ARHGAP24: variants seen among roughly 807,000 people sequenced by gnomAD.
ARHGAP24 encodes rho GTPase-activating protein 24.
ARHGAP24 carries 50 observed loss-of-function variants against 76.4 expected under a neutral mutation model. That is an observed-to-expected ratio of 0.65 (90% CI 0.52 to 0.83). The LOEUF (loss-of-function observed/expected upper bound fraction) is 0.83. Among genes scored for constraint, ARHGAP24 ranks in the 40% least tolerant of loss-of-function variants. The pLI is 0.00. For missense variants in ARHGAP24, 930 were observed against 914.2 expected (o/e 1.02, Z -0.22); for synonymous variants, 345 against 323.3 (o/e 1.07, Z -0.72).
At chr4:85,726,657 C>A (rs1331970170) in intron 3 of ARHGAP24, among the ~76,000 whole-genome samples, 3 of 152,190 alleles carry the variant, frequency 2.0e-5, no homozygotes, top group Non-Finnish European at 4.4e-5. Flanking sequence ...AACCAATATA[C>A]CAGTCTTTGG....
At chr4:85,849,476 A>C (rs1437599105) in intron 3 of ARHGAP24, among the ~76,000 whole-genome samples, 3 of 152,218 alleles carry the variant, frequency 2.0e-5, no homozygotes, top group Non-Finnish European at 4.4e-5. Context: ...CAGAACTTCC[A>C]ACACTATTTT....
chr4:85,511,916 ACT>A (rs1389839022), intron 1 of ARHGAP24, among the ~76,000 whole-genome samples: 1 of 151,876 alleles, frequency 6.6e-6, no homozygotes, highest in African/African-American at 2.4e-5. Flanking sequence ...CAGCTGCATA[ACT>A]CTAATCTCTG....
At chr4:85,854,325 C>T (rs1048586785) in intron 3 of ARHGAP24, among the ~76,000 whole-genome samples, 5 of 151,964 alleles carry the variant, frequency 3.3e-5, no homozygotes, top group African/African-American at 1.2e-4. Flanking sequence ...GAACTGAAGA[C>T]TTATAGACAA....
At chr4:85,704,743 A>G (rs17010632) in intron 2 of ARHGAP24, among the ~76,000 whole-genome samples, 47,334 of 151,962 alleles carry the variant, frequency 0.31, 8,394 homozygotes, top group African/African-American at 0.47. Context: ...TCTACATTTC[A>G]TTTTTGTTAA....
chr4:85,560,782 G>A (rs986577673), intron 1 of ARHGAP24, among the ~76,000 whole-genome samples: 1 of 152,230 alleles, frequency 6.6e-6, no homozygotes, highest in African/African-American at 2.4e-5. Flanking sequence ...AATCCACTTG[G>A]TTCAATCATT....
intron 3 of ARHGAP24, among the ~76,000 whole-genome samples, chr4:85,755,967 TG>T (rs1038859865): frequency 5.9e-5 from 9 of 152,126 alleles, no homozygotes; most frequent in African/African-American, 2.2e-4. Context: ...CAATTGTGAT[TG>T]GTAACATCAG....
chr4:85,894,099 T>TTAAAAA (rs71936795), intron 3 of ARHGAP24, among the ~76,000 whole-genome samples: 1 of 131,352 alleles, frequency 7.6e-6, no homozygotes, highest in African/African-American at 2.8e-5. Context: ...TAGAGTATAA[T>TTAAAAA]AAAAAAAAAA....
chr4:85,608,817 C>A (rs942636190), intron 2 of ARHGAP24, among the ~76,000 whole-genome samples: 2 of 152,096 alleles, frequency 1.3e-5, no homozygotes, highest in African/African-American at 4.8e-5. Flanking sequence ...GCCTCAGCCT[C>A]CCAAAGTGTT....
intron 1 of ARHGAP24, among the ~76,000 whole-genome samples, chr4:85,507,735 C>T (rs920870755): frequency 6.6e-6 from 1 of 152,090 alleles, no homozygotes; most frequent in Admixed American, 6.5e-5. Flanking sequence ...ATATAAGGGC[C>T]TATGTAAATC....
chr4:85,667,919 G>A (rs540535979), intron 2 of ARHGAP24, among the ~76,000 whole-genome samples: 30 of 152,296 alleles, frequency 2.0e-4, no homozygotes, highest in Admixed American at 9.8e-4. Flanking sequence ...TAAATTGAGC[G>A]TAGGGTCTGG....
rs367722855 is a variant in ARHGAP24 at position 85,642,200 on chromosome 4, C to T, written c.180+71479C>T. ...AGAAAAAGAGCAGGTTAAAGGTGGA[C>T]GGGAGAAGTTTAGAAAGAGACAGAT... On this transcript the variant is annotated intron_variant, in intron 2 of 9. Coordinates refer to ENST00000395184, the MANE Select transcript of ARHGAP24 (RefSeq NM_001025616.3). Among the ~76,000 whole-genome samples, 11 of 151,972 alleles carry T rather than the reference C, an allele frequency of 7.2e-5. No individual in the cohort carries two copies. In the East Asian group the frequency reaches 9.7e-4, roughly 13 times the overall value.
intron 2 of ARHGAP24, among the ~76,000 whole-genome samples, chr4:85,612,733 TAAAG>T (rs1477349518): frequency 6.7e-6 from 1 of 149,962 alleles, no homozygotes; most frequent in African/African-American, 2.4e-5. Flanking sequence ...AGTATTTTTG[TAAAG>T]AAAGAAAATG....
chr4:85,730,519 G>C lies in ARHGAP24; in HGVS notation c.268+8547G>C, dbSNP rs539063949. ...CCTCTTGGGCTCAAGTGATCCTCCT[G>C]CCTCAGCCTCCCGAGTAGTAGCTGG... On this transcript the variant is annotated intron_variant, in intron 3 of 9. Coordinates refer to ENST00000395184, the MANE Select transcript of ARHGAP24 (RefSeq NM_001025616.3). Among the ~76,000 whole-genome samples the C allele has an allele frequency of 1.0e-3, 159 of 152,236 alleles. 1 individual carries two copies. The highest frequency in any genetic ancestry group is 3.8e-3 in the African/African-American group (156 of 41,540).
At chr4:85,708,870 A>G (rs750512787) in intron 2 of ARHGAP24, among the ~76,000 whole-genome samples, 4 of 152,214 alleles carry the variant, frequency 2.6e-5, no homozygotes, top group Non-Finnish European at 5.9e-5. Flanking sequence ...GATCTTTTCT[A>G]TAGAGTCCTA....
chr4:85,817,689 G>T (rs920469589), intron 3 of ARHGAP24, among the ~76,000 whole-genome samples: 1 of 152,156 alleles, frequency 6.6e-6, no homozygotes, highest in African/African-American at 2.4e-5. Context: ...GTACAGTGAA[G>T]GTAATCCTTT....
At chr4:85,830,242 G>A (rs957139062) in intron 3 of ARHGAP24, among the ~76,000 whole-genome samples, 12 of 152,186 alleles carry the variant, frequency 7.9e-5, no homozygotes, top group African/African-American at 2.9e-4. Context: ...CAAGGAAGCA[G>A]TTTTGATGTA....
chr4:85,853,451 C>T (rs1387632693), intron 3 of ARHGAP24, among the ~76,000 whole-genome samples: 2 of 152,172 alleles, frequency 1.3e-5, no homozygotes, highest in African/African-American at 4.8e-5. Flanking sequence ...TGATGCCCCG[C>T]CCTGCTTCGG....
At chr4:85,562,754 G>A (rs1365132630) in intron 1 of ARHGAP24, among the ~76,000 whole-genome samples, 3 of 152,194 alleles carry the variant, frequency 2.0e-5, no homozygotes, top group African/African-American at 7.2e-5. Context: ...CCAGACCTGA[G>A]ATGCAGAATA....
intron 1 of ARHGAP24, among the ~76,000 whole-genome samples, chr4:85,485,535 A>G (rs1302170517): frequency 6.6e-6 from 1 of 150,752 alleles, no homozygotes; most frequent in Non-Finnish European, 1.5e-5. Flanking sequence ...TGAAAAGGAC[A>G]TTGAGAAAAG....
Sources: gnomAD v4.1 joint callset for allele counts (sites outside exome capture counted in the v4.1 genomes callset) on GRCh38, gnomAD v4.1.1 for gene constraint, MANE v1.5 for transcripts, NCBI Gene and HGNC (gene_info 2026-07-23, HGNC 2026-07-21) for gene names.